Variants in CNTLN observed in about 807,000 individuals in gnomAD.
CNTLN encodes the protein centlein, also known as centlein, centrosomal protein.
Under a neutral mutation model 180.0 loss-of-function variants are expected in CNTLN, and 212 were observed. That is an observed-to-expected ratio of 1.18 (90% CI 1.05 to 1.32). The LOEUF is 1.32. CNTLN is among the 40% of genes most tolerant of loss of function. The pLI is 0.00. For missense variants in CNTLN, 2,095 were observed against 1,610.9 expected, an observed-to-expected ratio of 1.30 and a Z score of -5.14; for synonymous variants, 722 against 563.1, an observed-to-expected ratio of 1.28 and a Z score of -3.99.
At chr9:17,309,026 TTAATA>T (rs768472005) in intron 7 of CNTLN, 27 bp from the exon 8 acceptor site, 1 of 1,384,684 alleles carries the variant, frequency 7.2e-7, no homozygotes, top group Non-Finnish European at 9.8e-7. Context: ...TTATTGATTA[TTAATA>T]TAATTTGGAT....
intron 3 of CNTLN, among the ~76,000 whole-genome samples, chr9:17,227,003 T>C (rs565872023): frequency 6.6e-6 from 1 of 152,040 alleles, no homozygotes; most frequent in East Asian, 1.9e-4. Context: ...TACATAGGTA[T>C]ACATGTGCCA....
intron 13 of CNTLN, among the ~76,000 whole-genome samples, chr9:17,386,280 C>G (rs1319148638): frequency 6.6e-6 from 1 of 151,542 alleles, no homozygotes; most frequent in African/African-American, 2.4e-5. Flanking sequence ...ATATACTAAG[C>G]TCTTAAATAA....
intron 15 of CNTLN, among the ~76,000 whole-genome samples, chr9:17,398,940 GA>G (rs1826748524): frequency 2.0e-5 from 3 of 152,240 alleles, no homozygotes; most frequent in African/African-American, 7.2e-5. Context: ...GCCAAAAAGG[GA>G]TAAAAACTAA....
intron 14 of CNTLN, among the ~76,000 whole-genome samples, chr9:17,392,108 AT>A (rs1337510646): frequency 5.3e-5 from 8 of 152,072 alleles, no homozygotes; most frequent in Admixed American, 5.2e-4. Context: ...TCTCTACAAA[AT>A]ATAAAAAATT....
chr9:17,451,620 T>C (rs1471720100), intron 18 of CNTLN, among the ~76,000 whole-genome samples: 2 of 152,178 alleles, frequency 1.3e-5, no homozygotes, highest in African/African-American at 4.8e-5. Context: ...GATTGGCCTT[T>C]TTCAATATTG....
chr9:17,364,551 A>C (rs1396948565), intron 12 of CNTLN, among the ~76,000 whole-genome samples: 1 of 152,154 alleles, frequency 6.6e-6, no homozygotes, highest in Non-Finnish European at 1.5e-5. Context: ...AAAACATTTT[A>C]AAAACTCTAA....
intron 23 of CNTLN, among the ~76,000 whole-genome samples, chr9:17,480,862 AT>A (rs1466499860): frequency 6.6e-6 from 1 of 152,222 alleles, no homozygotes; most frequent in African/African-American, 2.4e-5. Flanking sequence ...GTAACTTTGA[AT>A]TTTAGATATT....
At chr9:17,135,567 G>A in intron 1 of CNTLN, 142 bp downstream of exon 1, 1 of 1,183,924 alleles carries the variant, frequency 8.4e-7, no homozygotes, top group Non-Finnish European at 1.1e-6. Context: ...TTCGCTCGCG[G>A]CCGGGGGCTG....
rs552764141 is a variant in CNTLN, at chr9:17,227,974, G to A, written c.534+1687G>A. Among the ~76,000 whole-genome samples the A allele has an allele frequency of 2.6e-5, 4 of 152,106 alleles. No individual in the cohort carries two copies. In the South Asian group the frequency reaches 6.2e-4, roughly 24 times the overall value. On this transcript the variant is annotated intron_variant, in intron 3 of 25. Transcript: ENST00000380647. ...CTGCTTGACAAGTACAACCTTATGA[G>A]CCAGACATGGCAGACATCATTTGTA...
At chr9:17,404,548 A>G (rs1477823191) in intron 15 of CNTLN, among the ~76,000 whole-genome samples, 1 of 151,670 alleles carries the variant, frequency 6.6e-6, no homozygotes, top group African/African-American at 2.4e-5. Context: ...TAGCCAGAGC[A>G]ATTATCCCAA....
In CNTLN at chr9:17,276,784, TTAATAG is replaced by T. The variant is rs1245567668; in HGVS notation, c.983+2921_983+2926del. Among the ~76,000 whole-genome samples the T allele has an allele frequency of 7.2e-5, 11 of 152,230 alleles. 1 individual carries two copies. The highest frequency in any genetic ancestry group is 2.6e-4 in the African/African-American group (11 of 41,566). On this transcript the variant is annotated intron_variant, in intron 6 of 25. Transcript: ENST00000380647. ...ACTTCAAATCTTTAGATTGCTTATA[TTAATAG>T]TATCAAATACAATGTAAATGCTATA...
At chr9:17,184,520 ACT>A (rs563812696) in intron 2 of CNTLN, among the ~76,000 whole-genome samples, 318 of 152,034 alleles carry the variant, frequency 2.1e-3, no homozygotes, top group African/African-American at 7.3e-3. Flanking sequence ...AAAACCAGAC[ACT>A]CTTTCACTTG....
intron 6 of CNTLN, among the ~76,000 whole-genome samples, chr9:17,275,043 T>A (rs1376313727): frequency 6.6e-6 from 1 of 152,092 alleles, no homozygotes; most frequent in Non-Finnish European, 1.5e-5. Flanking sequence ...TATCAACTCA[T>A]GTTATAATTA....
rs868564788 is a variant in CNTLN, at chr9:17,239,192, G to A, written c.849+2604G>A. Among the ~76,000 whole-genome samples, 14 of 152,152 alleles carry A rather than the reference G, an allele frequency of 9.2e-5. No homozygotes were observed. In the South Asian group the frequency reaches 1.2e-3, roughly 14 times the overall value. On this transcript the variant is annotated intron_variant, in intron 5 of 25. Transcript: ENST00000380647. The stretch of plus-strand genomic sequence containing the variant: ...TTACTACAGGCGCGTGCCACCACAT[G>A]CAGATAATTTGTGTATTTTTAGTAG...
chr9:17,168,250 G>T (rs1264332405), intron 2 of CNTLN: 2 of 152,120 alleles, frequency 1.3e-5, no homozygotes, highest in Admixed American at 6.5e-5. Flanking sequence ...ACACACAAAA[G>T]AAAATCTGTC....
intron 16 of CNTLN, 24 bp from the exon 17 acceptor site, chr9:17,415,764 T>C: frequency 7.3e-7 from 1 of 1,375,530 alleles, no homozygotes; most frequent in Non-Finnish European, 1.0e-6. Flanking sequence ...AATAATACCA[T>C]TTTTATGAAA....
At chr9:17,159,783 C>A (rs1586953858) in intron 2 of CNTLN, among the ~76,000 whole-genome samples, 1 of 152,256 alleles carries the variant, frequency 6.6e-6, no homozygotes, top group South Asian at 2.1e-4. Context: ...GGTTTAGATA[C>A]CACAAACATT....
At chr9:17,436,315 C>A (rs1829773943) in intron 18 of CNTLN, among the ~76,000 whole-genome samples, 1 of 152,202 alleles carries the variant, frequency 6.6e-6, no homozygotes, top group South Asian at 2.1e-4. Flanking sequence ...CGTTTTGCTG[C>A]AGAAACTTTT....
At chr9:17,323,374 A>C (rs920305747) in intron 8 of CNTLN, among the ~76,000 whole-genome samples, 1 of 152,186 alleles carries the variant, frequency 6.6e-6, no homozygotes, top group Non-Finnish European at 1.5e-5. Flanking sequence ...TGTGGCATAA[A>C]TGGTGCATGT....
Sources: allele counts gnomAD v4.1 joint callset (sites outside exome capture counted in the v4.1 genomes callset), GRCh38; gene constraint gnomAD v4.1.1; transcripts MANE v1.5; gene names NCBI Gene and HGNC (gene_info 2026-07-23, HGNC 2026-07-21).